Variants in HSD17B4 observed in about 807,000 individuals in gnomAD.
The protein encoded by HSD17B4 is peroxisomal multifunctional enzyme type 2.
In HSD17B4, 70 loss-of-function variants were observed where a neutral mutation model predicts 101.0. The ratio of observed to expected loss-of-function variants is 0.69; its 90% confidence interval spans 0.57 to 0.85. The LOEUF (loss-of-function observed/expected upper bound fraction) is 0.85, where lower values mean the gene tolerates loss of function less well. Ranked by LOEUF, HSD17B4 falls within the 40% of genes least tolerant of loss-of-function variation. The probability of loss-of-function intolerance (pLI) is 0.00; values close to 1 mark genes in which losing one functional copy is unlikely to be tolerated. For missense variants in HSD17B4, 984 were observed against 892.4 expected (o/e 1.10, Z -1.31); for synonymous variants, 347 against 297.1 (o/e 1.17, Z -1.73).
chr5:119,477,998 C>A, intron 7 of HSD17B4: 1 of 170,132 alleles, frequency 5.9e-6, no homozygotes, highest in Non-Finnish European at 1.3e-5. Flanking sequence ...AGTAATCTTC[C>A]TGCCTTAGTT....
intron 21 of HSD17B4, 38 bp from the exon 22 acceptor site, chr5:119,531,228 T>C: frequency 2.5e-6 from 4 of 1,608,484 alleles, no homozygotes; most frequent in Non-Finnish European, 3.4e-6. Flanking sequence ...GAGTTATTTT[T>C]ACAGAACTTT....
intron 20 of HSD17B4, among the ~76,000 whole-genome samples, chr5:119,528,187 A>G (rs975424551): frequency 6.6e-6 from 1 of 152,144 alleles, no homozygotes; most frequent in East Asian, 1.9e-4. Context: ...TAGGTGTCCT[A>G]AATAACTTGC....
intron 16 of HSD17B4, among the ~76,000 whole-genome samples, chr5:119,512,955 A>G (rs1403154324): frequency 1.3e-5 from 2 of 152,226 alleles, no homozygotes; most frequent in Non-Finnish European, 2.9e-5. Flanking sequence ...TGGATTTTAC[A>G]TTTTAAAGAG....
intron 12 of HSD17B4, among the ~76,000 whole-genome samples, chr5:119,497,870 T>C (rs780069231): frequency 6.6e-6 from 1 of 152,218 alleles, no homozygotes; most frequent in Non-Finnish European, 1.5e-5. Flanking sequence ...AGTATCATTT[T>C]TTTTTCTTGA....
intron 15 of HSD17B4, among the ~76,000 whole-genome samples, chr5:119,508,862 T>G (rs989901335): frequency 6.6e-6 from 1 of 152,220 alleles, no homozygotes; most frequent in Non-Finnish European, 1.5e-5. Context: ...GGGATCTGAA[T>G]AGCAGTTGGA....
At chr5:119,490,422 GTGC>G (rs1345057181) in intron 9 of HSD17B4, among the ~76,000 whole-genome samples, 1 of 152,014 alleles carries the variant, frequency 6.6e-6, no homozygotes, top group East Asian at 1.9e-4. Flanking sequence ...AAAATAATAT[GTGC>G]TGTTTGTGAA....
In HSD17B4 at chr5:119,502,107, T is replaced by A; in HGVS notation, c.1261+15T>A. 2 of 1,479,974 alleles carry A rather than the reference T, an allele frequency of 1.4e-6. No homozygotes were observed. Among genetic ancestry groups the A allele is most frequent in the Non-Finnish European group, 1.9e-6 (2 of 1,058,046 alleles). 91.7% of individuals were successfully genotyped at this position (1,479,974 alleles called of 1,614,324 possible). A position where few individuals can be genotyped will look rare whatever the true frequency, so the allele number is the denominator to read the frequency against. Reference sequence around the variant, plus strand: ...TCCCAGAGCAGGTGAGTTATTGATATACTAATTCCATAATACCATACTTTT... The same window carrying A: ...TCCCAGAGCAGGTGAGTTATTGATAAACTAATTCCATAATACCATACTTTT... On this transcript the variant is annotated intron_variant, in intron 14 of 23. Coordinates refer to ENST00000510025, the MANE Select transcript of HSD17B4 (RefSeq NM_000414.4).
intron 2 of HSD17B4, among the ~76,000 whole-genome samples, chr5:119,473,200 T>C (rs1354338091): frequency 6.6e-6 from 1 of 152,020 alleles, no homozygotes; most frequent in African/African-American, 2.4e-5. Context: ...TATAGTAGTT[T>C]TGTTTTCCTG....
At chr5:119,495,756 T>C in intron 11 of HSD17B4, 1 of 184,124 alleles carries the variant, frequency 5.4e-6, no homozygotes, top group South Asian at 8.7e-5. Context: ...CTACAACCTC[T>C]GCCCCTTGGG....
At chr5:119,497,429 C>G (rs149397529) in intron 12 of HSD17B4, among the ~76,000 whole-genome samples, 2 of 152,226 alleles carry the variant, frequency 1.3e-5, no homozygotes, top group African/African-American at 4.8e-5. Flanking sequence ...ATATACAGTT[C>G]TCATTCTACC....
In HSD17B4 at chr5:119,528,866, T is replaced by TA. The variant is rs547664331; in HGVS notation, c.1768-1027dup. On this transcript the variant is annotated intron_variant, in intron 20 of 23. Transcript: ENST00000510025. ...GTGATTATAGATATTCTTTTTCTATTAGTTTTAGGACTCCTTCTCTCCCTG... is the reference window on the plus strand; with the variant it reads ...GTGATTATAGATATTCTTTTTCTATTAAGTTTTAGGACTCCTTCTCTCCCTG... 2.7e-3 allele frequency among the ~76,000 whole-genome samples: 414 copies of TA among 152,260 alleles called. 2 individuals are homozygous for TA. Among genetic ancestry groups the TA allele is most frequent in the Middle Eastern group, 0.014 (4 of 294 alleles).
Position 119,525,257 on chromosome 5 carries a change from C to T in HSD17B4, c.1545C>T (p.His515=), listed in dbSNP as rs751742258. 2 of 1,611,982 alleles carry T rather than the reference C, an allele frequency of 1.2e-6. No homozygotes were observed. The highest frequency in any genetic ancestry group is 8.5e-7 in the Non-Finnish European group (1 of 1,178,330). ...TCAGTGGAGACTGGAATCCCTTACA[C>T]ATTGATCCTAACTTTGCTAGTCTAG... The part of the protein sequence containing the change: ...YRLSGDWNPL[H]IDPNFASLAG... Residue 515 remains histidine (H), a synonymous_variant, in exon 18 of 24, where the codon CAC becomes CAT. Transcript: ENST00000510025.
At chr5:119,509,074 A>G (rs1751922137) in intron 15 of HSD17B4, 67 bp from the exon 16 acceptor site, 2 of 862,092 alleles carry the variant, frequency 2.3e-6, no homozygotes, top group East Asian at 2.4e-5. Flanking sequence ...TGTTGAACCT[A>G]TCTTGGTTAA....
intron 21 of HSD17B4, 94 bp from the exon 22 acceptor site, chr5:119,531,172 T>TA (rs1754060263): frequency 7.6e-7 from 1 of 1,313,136 alleles, no homozygotes; most frequent in South Asian, 1.2e-5. Flanking sequence ...TACAGAGTTT[T>TA]AAAAAATCTT....
At chr5:119,483,987 CATTT>C in intron 8 of HSD17B4, among the ~76,000 whole-genome samples, 1 of 152,082 alleles carries the variant, frequency 6.6e-6, no homozygotes, top group East Asian at 1.9e-4. Flanking sequence ...GGTCCACAGA[CATTT>C]TTGTTGTTAT....
chr5:119,531,583 G>GTGTGTGTGTGTT (rs1408399511), intron 22 of HSD17B4, among the ~76,000 whole-genome samples, 179 bp downstream of exon 22: 6 of 151,514 alleles, frequency 4.0e-5, no homozygotes, highest in Admixed American at 6.6e-5. Context: ...GTGTGTGTGT[G>GTGTGTGTGTGTT]TGTGTGTGTG....
chr5:119,452,641 T>G lies in HSD17B4; in HGVS notation c.58+8T>G. 1.2e-6 allele frequency: 2 copies of G among 1,613,742 alleles called. No individual in the cohort carries two copies. The highest frequency in any genetic ancestry group is 1.7e-4 in the Middle Eastern group (1 of 5,950). On this transcript the variant is annotated splice_region_variant and intron_variant, in intron 1 of 23. Coordinates refer to ENST00000510025, the MANE Select transcript of HSD17B4 (RefSeq NM_000414.4). ...TCACCGGCGCGGGGGCAGGTGAGCATGCGAAGGTTGGAGGCCGCGCCCCTT... is the reference window on the plus strand; with the variant it reads ...TCACCGGCGCGGGGGCAGGTGAGCAGGCGAAGGTTGGAGGCCGCGCCCCTT...
At position 119,531,389 on chromosome 5, in the gene HSD17B4, A is replaced by T; in HGVS notation, c.1978A>T (p.Ile660Phe). 1 of 1,613,412 alleles carries T rather than the reference A, an allele frequency of 6.2e-7. No homozygotes were observed. Among genetic ancestry groups the T allele is most frequent in the Non-Finnish European group, 8.5e-7 (1 of 1,179,462 alleles). The change falls in exon 22 of 24, where the codon ATT becomes TTT. Residue 660 changes from isoleucine to phenylalanine, a missense_variant. Physicochemically the swap from Ile to Phe is conservative, Grantham distance 21 (BLOSUM62 0). Transcript: ENST00000510025. ...FEWHITKGGNIGAKWTIDLKS... is the reference protein window; with the variant it reads ...FEWHITKGGNFGAKWTIDLKS... ...GTGGCATATAACCAAAGGCGGAAAT[A>T]TTGGGGCTAAGTGGAGTAAGTTATA... is the stretch of plus-strand genomic sequence containing the variant.
In HSD17B4 at chr5:119,478,832, A is replaced by G. The variant is rs1171426785; in HGVS notation, c.435-2A>G. On this transcript the variant is annotated splice_acceptor_variant, in intron 7 of 23. Coordinates refer to ENST00000510025, the MANE Select transcript of HSD17B4 (RefSeq NM_000414.4). LOFTEE classifies it high-confidence loss of function. ...ATATTGAGAGATTGATTTTCTTTTT[A>G]GGATTATTATGACTTCATCAGCTTC... 2 of 1,610,562 alleles carry G rather than the reference A, an allele frequency of 1.2e-6. No individual in the cohort carries two copies. Among genetic ancestry groups the G allele is most frequent in the South Asian group, 1.1e-5 (1 of 91,024 alleles).
Sources: allele counts gnomAD v4.1 joint callset (sites outside exome capture counted in the v4.1 genomes callset), GRCh38; gene constraint gnomAD v4.1.1; transcripts MANE v1.5; gene names NCBI Gene and HGNC (gene_info 2026-07-23, HGNC 2026-07-21).